MSI2: variants seen among roughly 807,000 people sequenced by gnomAD.
MSI2 encodes the protein RNA-binding protein Musashi homolog 2.
MSI2 carries 17 observed loss-of-function variants against 45.6 expected under a neutral mutation model. The observed-to-expected ratio is 0.37, with a 90% CI of 0.26 to 0.56. MSI2 has a LOEUF of 0.56. Among genes scored for constraint, MSI2 ranks in the 20% least tolerant of loss-of-function variants. The probability of loss-of-function intolerance (pLI) is 0.77; values close to 1 mark genes in which losing one functional copy is unlikely to be tolerated. For missense variants in MSI2, 293 were observed against 444.2 expected (o/e 0.66, Z 3.06); for synonymous variants, 156 against 158.2 (o/e 0.99, Z 0.11).
intron 5 of MSI2, among the ~76,000 whole-genome samples, chr17:57,364,633 C>T (rs188666095): frequency 3.3e-5 from 5 of 151,272 alleles, no homozygotes; most frequent in Admixed American, 3.3e-4. Context: ...CAGGATGCCC[C>T]CTTTCCCCTC....
intron 6 of MSI2, among the ~76,000 whole-genome samples, chr17:57,435,762 A>G (rs2084680444): frequency 6.6e-6 from 1 of 152,154 alleles, no homozygotes; most frequent in African/African-American, 2.4e-5. Flanking sequence ...GTCCTTGGGG[A>G]TGGATTCATT....
chr17:57,502,211 G>A (rs1217788343), intron 6 of MSI2, among the ~76,000 whole-genome samples: 2 of 152,134 alleles, frequency 1.3e-5, no homozygotes, highest in Non-Finnish European at 2.9e-5. Flanking sequence ...AATAGGCCAC[G>A]TGCACCTGGC....
chr17:57,478,434 C>G (rs2085583011), intron 6 of MSI2, among the ~76,000 whole-genome samples: 1 of 152,134 alleles, frequency 6.6e-6, no homozygotes, highest in African/African-American at 2.4e-5. Flanking sequence ...GAACTTGAAG[C>G]CTTTAGGATG....
At chr17:57,506,125 C>T (rs1433833904) in intron 6 of MSI2, among the ~76,000 whole-genome samples, 2 of 152,198 alleles carry the variant, frequency 1.3e-5, no homozygotes, top group South Asian at 2.1e-4. Flanking sequence ...CTGTGGCAAG[C>T]GGAGGTGGGA....
intron 5 of MSI2, among the ~76,000 whole-genome samples, chr17:57,290,709 A>G (rs954610797): frequency 6.6e-6 from 1 of 152,240 alleles, no homozygotes; most frequent in Admixed American, 6.5e-5. Context: ...AGGTGAACCC[A>G]TTCCTGGGCA....
chr17:57,566,172 C>T (rs549439174), intron 7 of MSI2, among the ~76,000 whole-genome samples: 5 of 152,254 alleles, frequency 3.3e-5, no homozygotes, highest in Middle Eastern at 3.4e-3. Context: ...TTGTGTACGG[C>T]ACAGTCCTTG....
intron 6 of MSI2, among the ~76,000 whole-genome samples, chr17:57,519,868 C>T (rs1416993871): frequency 6.6e-6 from 1 of 152,054 alleles, no homozygotes; most frequent in Non-Finnish European, 1.5e-5. Context: ...CACTTACTGT[C>T]GGTGAACCAC....
rs1479227409 is a variant in MSI2, at chr17:57,488,999, G to A, written c.406-40677G>A. ...ACTGCCAGGAGCCAGGCAGTGTCCC[G>A]AGGCCTTCACTCTCAGTCCGTGCCC... On this transcript the variant is annotated intron_variant, in intron 6 of 13. Coordinates refer to ENST00000284073, the MANE Select transcript of MSI2 (RefSeq NM_138962.4). Among the ~76,000 whole-genome samples, 5 of 152,120 alleles carry A rather than the reference G, an allele frequency of 3.3e-5. No homozygotes were observed. In the South Asian group the frequency reaches 6.2e-4, roughly 19 times the overall value.
intron 5 of MSI2, among the ~76,000 whole-genome samples, chr17:57,391,892 T>G (rs2083799328): frequency 6.6e-6 from 1 of 152,192 alleles, no homozygotes; most frequent in South Asian, 2.1e-4. Context: ...TGTAAAAGAT[T>G]ATGGGTTTTA....
Position 57,566,896 on chromosome 17 carries a change from C to T in MSI2, c.455-29972C>T, listed in dbSNP as rs377484411. On this transcript the variant is annotated intron_variant, in intron 7 of 13. Transcript: ENST00000284073. ...TGCCTGCCTGTGAAGCAGCAGTGCC[C>T]GCTGGGGAGGTGGCAGGATTTAATA... is the stretch of plus-strand genomic sequence containing the variant. 6.6e-5 allele frequency among the ~76,000 whole-genome samples: 10 copies of T among 152,228 alleles called. No homozygotes were observed. In the East Asian group the frequency reaches 7.7e-4, roughly 12 times the overall value.
intron 5 of MSI2, among the ~76,000 whole-genome samples, chr17:57,397,078 T>C (rs1303553080): frequency 6.6e-6 from 1 of 152,162 alleles, no homozygotes; most frequent in Non-Finnish European, 1.5e-5. Context: ...CCATCTCAGT[T>C]CACTGTGGAG....
chr17:57,348,032 A>T (rs1915754839), intron 5 of MSI2, among the ~76,000 whole-genome samples: 1 of 152,260 alleles, frequency 6.6e-6, no homozygotes, highest in South Asian at 2.1e-4. Context: ...CTGCGTGTCC[A>T]GCCTTTCTCA....
intron 6 of MSI2, among the ~76,000 whole-genome samples, chr17:57,498,738 A>G (rs1463899054): frequency 1.3e-5 from 2 of 152,050 alleles, no homozygotes; most frequent in African/African-American, 4.8e-5. Flanking sequence ...TCACTTTTTA[A>G]TTAGTTCATG....
chr17:57,568,866 T>G (rs1483605924), intron 7 of MSI2, among the ~76,000 whole-genome samples: 1 of 152,094 alleles, frequency 6.6e-6, no homozygotes, highest in Non-Finnish European at 1.5e-5. Flanking sequence ...GTGGTGTTTA[T>G]TGGTGAGAGA....
At chr17:57,593,992 C>T (rs1053199689) in intron 7 of MSI2, among the ~76,000 whole-genome samples, 2 of 152,206 alleles carry the variant, frequency 1.3e-5, no homozygotes, top group South Asian at 2.1e-4. Context: ...AGCTGGTAAA[C>T]GCAGAAGGAA....
At chr17:57,617,121 C>G (rs928263240) in intron 9 of MSI2, among the ~76,000 whole-genome samples, 2 of 152,160 alleles carry the variant, frequency 1.3e-5, no homozygotes, top group African/African-American at 4.8e-5. Flanking sequence ...AGAATTGTAT[C>G]TACTTGTCTG....
At chr17:57,502,636 T>TATATATCATAG in intron 6 of MSI2, among the ~76,000 whole-genome samples, 11 of 96,936 alleles carry the variant, frequency 1.1e-4, no homozygotes, top group African/African-American at 3.1e-4. Context: ...TATATATATA[T>TATATATCATAG]AGTCATCATT....
Position 57,529,832 on chromosome 17 carries a change from C to G in MSI2, c.454+108C>G, listed in dbSNP as rs895489828. Reference sequence around the variant, plus strand: ...ATACAGTGAAGAGTCCAGAGTCAAGCAGGTAGAGGTGACCATCCATTGAAG... The same window carrying G: ...ATACAGTGAAGAGTCCAGAGTCAAGGAGGTAGAGGTGACCATCCATTGAAG... On this transcript the variant is annotated intron_variant, in intron 7 of 13. Transcript: ENST00000284073. The surrounding 1 kb of genome is among the most constrained non-coding windows in gnomAD (Gnocchi z 5.3). 4.6e-6 allele frequency: 4 copies of G among 864,368 alleles called. No homozygotes were observed. The African/African-American group carries it at 7.0e-5, about 15-fold the overall frequency. The allele number at this position is 864,368 out of a possible 1,614,324, so 53.5% of individuals were successfully genotyped here.
the MSI2 span, among the ~76,000 whole-genome samples, chr17:57,701,295 T>C: frequency 6.6e-6 from 1 of 152,202 alleles, no homozygotes; most frequent in Non-Finnish European, 1.5e-5. Context: ...CCCTCCTGAA[T>C]TCATATGCTG....
Sources: allele counts gnomAD v4.1 joint callset (sites outside exome capture counted in the v4.1 genomes callset), GRCh38; gene constraint gnomAD v4.1.1; non-coding constraint Gnocchi (gnomAD v3.1); transcripts MANE v1.5; gene names NCBI Gene and HGNC (gene_info 2026-07-23, HGNC 2026-07-21).